The following DTX4 variants were observed in gnomAD, a reference collection of about 807,000 sequenced individuals.
DTX4 encodes the protein E3 ubiquitin-protein ligase DTX4.
In DTX4, 28 loss-of-function variants were observed where a neutral mutation model predicts 57.6. That is an observed-to-expected ratio of 0.49 (90% CI 0.36 to 0.67). The LOEUF is 0.67. Among genes scored for constraint, DTX4 ranks in the 30% least tolerant of loss-of-function variants. The pLI is 0.00. For missense variants in DTX4, 715 were observed against 836.8 expected (o/e 0.85, Z 1.80); for synonymous variants, 316 against 331.0 (o/e 0.95, Z 0.49).
rs1003203320 is a variant in DTX4, at chr11:59,207,310, G to C, written c.*2401G>C. 2 of 152,492 alleles carry C rather than the reference G, an allele frequency of 1.3e-5. No homozygotes were observed. The highest frequency in any genetic ancestry group is 2.9e-5 in the Non-Finnish European group (2 of 68,258). 9.4% of individuals were successfully genotyped at this position (152,492 alleles called of 1,614,324 possible). A position where few individuals can be genotyped will look rare whatever the true frequency, so the allele number is the denominator to read the frequency against. On this transcript the variant is annotated 3_prime_UTR_variant, in exon 9 of 9. Coordinates refer to ENST00000227451, the MANE Select transcript of DTX4 (RefSeq NM_015177.2). ...AGCAGAAGGAAGAAGACTCAAGATG[G>C]AAAGGGAGCCGCTGTGCCTGTGGCA... is the stretch of plus-strand genomic sequence containing the variant.
In DTX4 at chr11:59,172,478, G is replaced by A. The variant is rs1862338547; in HGVS notation, c.-118G>A. 4.5e-6 allele frequency: 2 copies of A among 443,512 alleles called. No homozygotes were observed. The highest frequency in any genetic ancestry group is 6.4e-6 in the Non-Finnish European group (2 of 311,964). 27.5% of individuals were successfully genotyped at this position (443,512 alleles called of 1,614,324 possible). On this transcript the variant is annotated 5_prime_UTR_variant, in exon 1 of 9. Transcript: ENST00000227451. The stretch of plus-strand genomic sequence containing the variant: ...GAGCTGAGGCTGCCCGGGGCGGCGG[G>A]GCGCGGGGCAGGGGGCGCGGTCGAG...
At position 59,195,230 on chromosome 11, in the gene DTX4, C is replaced by G. The variant is rs370086614; in HGVS notation, c.1397C>G (p.Thr466Ser). 1.2e-6 allele frequency: 2 copies of G among 1,613,994 alleles called. No individual in the cohort carries two copies. Among genetic ancestry groups the G allele is most frequent in the Non-Finnish European group, 1.7e-6 (2 of 1,179,888 alleles). Reference protein sequence around the residue: ...GNKDGSLQCPTCKTIYGVKTG... With the variant: ...GNKDGSLQCPSCKTIYGVKTG... ...CAGGATGGAAGTTTGCAGTGTCCAACCTGCAAGACCATTTATGGGGTGAAG... is the reference window on the plus strand; with the variant it reads ...CAGGATGGAAGTTTGCAGTGTCCAAGCTGCAAGACCATTTATGGGGTGAAG... Residue 466 changes from threonine to serine, a missense_variant, in exon 7 of 9, where the codon ACC becomes AGC. Coordinates refer to ENST00000227451, the MANE Select transcript of DTX4 (RefSeq NM_015177.2).
At chr11:59,197,084 C>A (rs942986895) in intron 7 of DTX4, among the ~76,000 whole-genome samples, 1 of 152,152 alleles carries the variant, frequency 6.6e-6, no homozygotes, top group Admixed American at 6.5e-5. Context: ...CAGCCAGGAG[C>A]CCAATTGGCA....
chr11:59,181,440 C>T (rs1486360091), intron 1 of DTX4, among the ~76,000 whole-genome samples: 1 of 152,202 alleles, frequency 6.6e-6, no homozygotes, highest in East Asian at 1.9e-4. Context: ...ATGAATTTGT[C>T]TGCAAACCAA....
Position 59,191,164 on chromosome 11 carries a change from C to A in DTX4, c.1210C>A (p.Pro404Thr), listed in dbSNP as rs1255966415. 2 of 1,571,590 alleles carry A rather than the reference C, an allele frequency of 1.3e-6. No homozygotes were observed. The highest frequency in any genetic ancestry group is 1.2e-5 in the South Asian group (1 of 85,034). The part of the protein sequence containing the change: ...LKKYLQKVRH[P>T]PDEDCTICME... ...AAAATATCTACAGAAAGTCCGGCAC[C>A]CACCAGATGAGGTGAGTTCAGGGTT... Residue 404 changes from proline to threonine, a missense_variant, in exon 5 of 9, where the codon CCA (proline) becomes ACA (threonine). Physicochemically the swap from Pro to Thr is conservative, Grantham distance 38. Coordinates refer to ENST00000227451, the MANE Select transcript of DTX4 (RefSeq NM_015177.2).
rs1175249945 is a variant in DTX4 at position 59,172,840 on chromosome 11, C to T, written c.211+34C>T. ...GCCGCCCCTGACCCCGCCCCGCCTG[C>T]TCCCACCTTCCCAACCTGCCAAGGT... On this transcript the variant is annotated intron_variant, in intron 1 of 8. Coordinates refer to ENST00000227451, the MANE Select transcript of DTX4 (RefSeq NM_015177.2). 2.7e-6 allele frequency: 4 copies of T among 1,481,814 alleles called. No homozygotes were observed. The South Asian group carries it at 3.9e-5, about 15-fold the overall frequency. 91.8% of individuals were successfully genotyped at this position (1,481,814 alleles called of 1,614,324 possible). A position where few individuals can be genotyped will look rare whatever the true frequency, so the allele number is the denominator to read the frequency against.
chr11:59,191,997 A>C, intron 5 of DTX4, 101 bp from the exon 6 acceptor site: 2 of 1,362,500 alleles, frequency 1.5e-6, no homozygotes, highest in Non-Finnish European at 2.0e-6. Flanking sequence ...GTGTTTTAGA[A>C]GAGAAGTGGT....
Position 59,206,528 on chromosome 11 carries a change from T to TATA in DTX4, c.*1621_*1622insAAT, listed in dbSNP as rs1006798017. On this transcript the variant is annotated 3_prime_UTR_variant, in exon 9 of 9. Transcript: ENST00000227451. ...TTTGACGTATATATATATATATATA[T>TATA]ATGCATATATATTTCATAATATTTG... is the stretch of plus-strand genomic sequence containing the variant. 16 of 150,178 alleles carry TATA rather than the reference T, an allele frequency of 1.1e-4. No individual in the cohort carries two copies. Among genetic ancestry groups the TATA allele is most frequent in the East Asian group, 7.8e-4 (4 of 5,118 alleles). 9.3% of individuals were successfully genotyped at this position (150,178 alleles called of 1,614,324 possible).
chr11:59,181,198 AGAG>A (rs1231387420), intron 1 of DTX4, among the ~76,000 whole-genome samples: 5 of 152,204 alleles, frequency 3.3e-5, no homozygotes, highest in Non-Finnish European at 7.3e-5. Context: ...TTAGAGGAAC[AGAG>A]GAGAAGGAAT....
rs1862787895 is a variant in DTX4 at position 59,205,027 on chromosome 11, C to T, written c.*118C>T. The T allele has an allele frequency of 1.2e-6, 1 of 858,676 alleles. No homozygotes were observed. The highest frequency in any genetic ancestry group is 2.2e-5 in the Admixed American group (1 of 45,496). The allele number at this position is 858,676 out of a possible 1,614,324, so 53.2% of individuals were successfully genotyped here. ...CCTCCCAACTTTCTATCCTCCCCTC[C>T]TGCCCTGTGTCCATCCCTCATCCCT... On this transcript the variant is annotated 3_prime_UTR_variant, in exon 9 of 9. Coordinates refer to ENST00000227451, the MANE Select transcript of DTX4 (RefSeq NM_015177.2).
At position 59,207,654 on chromosome 11, in the gene DTX4, T is replaced by C. The variant is rs1178585785; in HGVS notation, c.*2745T>C. On this transcript the variant is annotated 3_prime_UTR_variant, in exon 9 of 9. Coordinates refer to ENST00000227451, the MANE Select transcript of DTX4 (RefSeq NM_015177.2). ...CACAGAGTGTTTTCCCACTAGAAGC[T>C]CTGCTCTGCTCTCCTGGCCCAAGTA... 2.6e-5 allele frequency: 4 copies of C among 152,884 alleles called. No homozygotes were observed. Among genetic ancestry groups the C allele is most frequent in the Non-Finnish European group, 4.4e-5 (3 of 68,136 alleles). 9.5% of individuals were successfully genotyped at this position (152,884 alleles called of 1,614,324 possible).
chr11:59,178,045 T>A (rs577929710), intron 1 of DTX4, among the ~76,000 whole-genome samples: 16 of 152,170 alleles, frequency 1.1e-4, no homozygotes, highest in Admixed American at 2.0e-4. Flanking sequence ...AAAATTTTTT[T>A]AAAAGGAACA....
intron 7 of DTX4, among the ~76,000 whole-genome samples, chr11:59,196,601 C>G (rs1172029444): frequency 1.3e-5 from 2 of 152,206 alleles, no homozygotes; most frequent in South Asian, 2.1e-4. Flanking sequence ...AGGGGCCGCA[C>G]AGTAGGAGGT....
intron 8 of DTX4, among the ~76,000 whole-genome samples, chr11:59,203,015 A>G (rs1233443348): frequency 6.6e-6 from 1 of 152,216 alleles, no homozygotes; most frequent in African/African-American, 2.4e-5. Context: ...GAGGTACAGT[A>G]AAAATACAGT....
chr11:59,183,029 T>C (rs1218573071), intron 2 of DTX4, among the ~76,000 whole-genome samples: 2 of 152,242 alleles, frequency 1.3e-5, no homozygotes, highest in Non-Finnish European at 2.9e-5. Context: ...CATTTAATCC[T>C]TGCAACAACT....
intron 1 of DTX4, among the ~76,000 whole-genome samples, chr11:59,177,726 C>T (rs1862412882): frequency 6.6e-6 from 1 of 152,214 alleles, no homozygotes; most frequent in African/African-American, 2.4e-5. Context: ...CTTGAGGTCC[C>T]TTCTTCTGAA....
In DTX4 at chr11:59,182,306, G is replaced by A. The variant is rs778320668; in HGVS notation, c.779G>A (p.Arg260Lys). The A allele has an allele frequency of 2.5e-6, 4 of 1,612,404 alleles. No individual in the cohort carries two copies. The highest frequency in any genetic ancestry group is 3.4e-6 in the Non-Finnish European group (4 of 1,179,804). Residue 260 changes from arginine to lysine, a missense_variant, in exon 2 of 9, where the codon AGA (arginine) becomes AAA (lysine). Physicochemically the swap from Arg to Lys is conservative, Grantham distance 26. Transcript: ENST00000227451. ...ACCGCCCCATCGCAGGTGATCCGGA[G>A]ACAAGCCTCCAGCATGCCCACTGGG... ...LKTAPSQVIRRQASSMPTGTT... is the reference protein window; with the variant it reads ...LKTAPSQVIRKQASSMPTGTT...
Position 59,204,928 on chromosome 11 carries a change from G to C in DTX4, c.*19G>C, listed in dbSNP as rs1212049193. 2.6e-6 allele frequency: 4 copies of C among 1,557,160 alleles called. No homozygotes were observed. Among genetic ancestry groups the C allele is most frequent in the Non-Finnish European group, 3.5e-6 (4 of 1,148,596 alleles). ...GGACTGAGGCCAGAAAAGCTTTGAGGTGGGAGGGGCCATGGAGACTGCAGG... is the reference window on the plus strand; with the variant it reads ...GGACTGAGGCCAGAAAAGCTTTGAGCTGGGAGGGGCCATGGAGACTGCAGG... On this transcript the variant is annotated 3_prime_UTR_variant, in exon 9 of 9. Coordinates refer to ENST00000227451, the MANE Select transcript of DTX4 (RefSeq NM_015177.2).
intron 2 of DTX4, among the ~76,000 whole-genome samples, chr11:59,184,069 C>T (rs939730418): frequency 6.6e-6 from 1 of 152,214 alleles, no homozygotes; most frequent in African/African-American, 2.4e-5. Context: ...AGGCAAAATG[C>T]TGGTGAGATG....
Sources: allele counts gnomAD v4.1 joint callset (sites outside exome capture counted in the v4.1 genomes callset), GRCh38; gene constraint gnomAD v4.1.1; transcripts MANE v1.5; gene names NCBI Gene and HGNC (gene_info 2026-07-23, HGNC 2026-07-21).